Variants in ABCC1 observed in about 807,000 individuals in gnomAD.
ABCC1 encodes ATP binding cassette subfamily C member 1 (ABCC1 blood group).
ABCC1 carries 83 observed loss-of-function variants against 172.9 expected under a neutral mutation model. That is an observed-to-expected ratio of 0.48 (90% CI 0.40 to 0.58). ABCC1 has a LOEUF of 0.58. ABCC1 is among the 20% of genes least tolerant of loss of function. The pLI, the probability that ABCC1 is intolerant of heterozygous loss-of-function variation, is 0.00. For synonymous variants in ABCC1, 937 were observed against 825.2 expected (o/e 1.14, Z -2.32); for missense variants, 1,817 against 2,002.7 (o/e 0.91, Z 1.77).
intron 16 of ABCC1, among the ~76,000 whole-genome samples, chr16:16,079,911 C>G (rs1238062083): frequency 6.6e-6 from 1 of 150,970 alleles, no homozygotes; most frequent in African/African-American, 2.4e-5. Context: ...CCTCCTGGGT[C>G]CAAGCGATTC....
rs1404982265 is a variant in ABCC1, at chr16:16,141,866, A to T, written c.*585A>T. The T allele has an allele frequency of 6.5e-6, 1 of 152,748 alleles. No individual in the cohort carries two copies. The highest frequency in any genetic ancestry group is 1.5e-5 in the Non-Finnish European group (1 of 68,492). 9.5% of individuals were successfully genotyped at this position (152,748 alleles called of 1,614,324 possible). On this transcript the variant is annotated 3_prime_UTR_variant, in exon 31 of 31. Coordinates refer to ENST00000399410, the MANE Select transcript of ABCC1 (RefSeq NM_004996.4). The stretch of plus-strand genomic sequence containing the variant: ...GGCCCTGGATGGTCCTCTTACCAAC[A>T]TCTGGTCTTCCAGGCACTCAAAAGC...
chr16:16,060,405 T>C (rs1306132927), intron 12 of ABCC1, among the ~76,000 whole-genome samples: 1 of 152,188 alleles, frequency 6.6e-6, no homozygotes, highest in South Asian at 2.1e-4. Context: ...TGCCCTTCTG[T>C]AACTCCATGT....
chr16:16,006,020 C>T (rs1346182196), intron 1 of ABCC1, among the ~76,000 whole-genome samples: 1 of 151,464 alleles, frequency 6.6e-6, no homozygotes, highest in Non-Finnish European at 1.5e-5. Flanking sequence ...AATAAAAAGC[C>T]GGAAATCAAA....
chr16:16,053,102 A>T (rs527517067), intron 11 of ABCC1, among the ~76,000 whole-genome samples: 4 of 152,196 alleles, frequency 2.6e-5, no homozygotes, highest in African/African-American at 9.7e-5. Flanking sequence ...TAGACCTTGT[A>T]GGCCGGTGAC....
chr16:16,058,523 C>T (rs373558485), intron 12 of ABCC1, among the ~76,000 whole-genome samples: 7 of 152,200 alleles, frequency 4.6e-5, no homozygotes, highest in Non-Finnish European at 8.8e-5. Flanking sequence ...TTTGCGAAAG[C>T]GTGTTCATGC....
Position 16,138,425 on chromosome 16 carries a change from G to A in ABCC1, c.4354G>A (p.Val1452Met). 1.2e-6 allele frequency: 2 copies of A among 1,612,240 alleles called. No individual in the cohort carries two copies. The highest frequency in any genetic ancestry group is 8.5e-7 in the Non-Finnish European group (1 of 1,178,494). The change falls in exon 30 of 31, where the codon GTG (valine) becomes ATG (methionine). Residue 1452 changes from valine to methionine, a missense_variant. Coordinates refer to ENST00000399410, the MANE Select transcript of ABCC1 (RefSeq NM_004996.4). ...CCTGCTGAGGAAGACGAAGATCCTTGTGTTGGATGAGGCCACGGCAGCCGT... is the reference window on the plus strand; with the variant it reads ...CCTGCTGAGGAAGACGAAGATCCTTATGTTGGATGAGGCCACGGCAGCCGT... ...RALLRKTKIL[V>M]LDEATAAVDL...
intron 30 of ABCC1, among the ~76,000 whole-genome samples, chr16:16,140,371 C>T (rs570659209): frequency 6.6e-6 from 1 of 152,112 alleles, no homozygotes; most frequent in African/African-American, 2.4e-5. Context: ...ATTTTTGAGA[C>T]AGGGTCTCAC....
intron 21 of ABCC1, among the ~76,000 whole-genome samples, chr16:16,110,743 C>T (rs551415186): frequency 6.6e-5 from 10 of 152,212 alleles, no homozygotes; most frequent in Admixed American, 6.5e-4. Context: ...CAATACCTCT[C>T]TAGACTGCAT....
chr16:15,982,991 C>G (rs867691500), intron 1 of ABCC1, among the ~76,000 whole-genome samples: 1 of 151,790 alleles, frequency 6.6e-6, no homozygotes, highest in Non-Finnish European at 1.5e-5. Context: ...ATGTTCATAT[C>G]AAATGTCATA....
chr16:15,983,908 T>G (rs779708571), intron 1 of ABCC1, among the ~76,000 whole-genome samples: 25 of 152,132 alleles, frequency 1.6e-4, no homozygotes, highest in Non-Finnish European at 3.2e-4. Flanking sequence ...GGTCTGCATT[T>G]ATTGCTACTG....
At chr16:15,958,572 A>G (rs941811237) in intron 1 of ABCC1, among the ~76,000 whole-genome samples, 6 of 152,240 alleles carry the variant, frequency 3.9e-5, no homozygotes, top group African/African-American at 7.2e-5. Context: ...TTCATGGCGA[A>G]GTAAGGCCTA....
chr16:15,958,964 C>G (rs1259283337), intron 1 of ABCC1, among the ~76,000 whole-genome samples: 1 of 152,186 alleles, frequency 6.6e-6, no homozygotes, highest in Non-Finnish European at 1.5e-5. Flanking sequence ...AGCACCTCCT[C>G]TTGTTGTGAC....
In ABCC1 at chr16:16,131,880, A is replaced by G. The variant is rs781777283; in HGVS notation, c.3911A>G (p.Glu1304Gly). The change falls in exon 27 of 31, where the codon GAG (glutamate) becomes GGG (glycine). Residue 1304 changes from glutamate to glycine, a missense_variant. By Grantham distance (98) the Glu-to-Gly change is moderately conservative. Coordinates refer to ENST00000399410, the MANE Select transcript of ABCC1 (RefSeq NM_004996.4). Reference sequence around the variant, plus strand: ...CGGAACTACTGCCTGCGCTACCGAGAGGACCTGGACTTCGTTCTCAGGCAC... The same window carrying G: ...CGGAACTACTGCCTGCGCTACCGAGGGGACCTGGACTTCGTTCTCAGGCAC... The part of the protein sequence containing the change: ...EFRNYCLRYR[E>G]DLDFVLRHIN... The G allele has an allele frequency of 1.2e-6, 2 of 1,614,136 alleles. No homozygotes were observed. Among genetic ancestry groups the G allele is most frequent in the South Asian group, 1.1e-5 (1 of 91,068 alleles).
At chr16:16,036,684 C>G in intron 7 of ABCC1, 81 bp downstream of exon 7, 1 of 1,427,020 alleles carries the variant, frequency 7.0e-7, no homozygotes, top group Non-Finnish European at 9.7e-7. Flanking sequence ...GGATGGGGCC[C>G]TGGCAGTGCT....
chr16:15,981,979 C>T (rs2046630338), intron 1 of ABCC1, among the ~76,000 whole-genome samples: 1 of 152,170 alleles, frequency 6.6e-6, no homozygotes, highest in African/African-American at 2.4e-5. Flanking sequence ...ACTCTTTTTG[C>T]TTAAGCATAG....
chr16:15,966,328 C>CT (rs2151517270), intron 1 of ABCC1, among the ~76,000 whole-genome samples: 1 of 151,286 alleles, frequency 6.6e-6, no homozygotes, highest in South Asian at 2.1e-4. Flanking sequence ...GGGAGAATTG[C>CT]TTGAACCCAG....
At chr16:16,125,452 G>A (rs191928845) in intron 25 of ABCC1, among the ~76,000 whole-genome samples, 18 of 151,540 alleles carry the variant, frequency 1.2e-4, no homozygotes, top group Admixed American at 9.9e-4. Context: ...TTTTGGAGAC[G>A]GAATCTCACT....
At chr16:16,064,286 G>A (rs2050030371) in intron 12 of ABCC1, among the ~76,000 whole-genome samples, 1 of 152,160 alleles carries the variant, frequency 6.6e-6, no homozygotes, top group Non-Finnish European at 1.5e-5. Flanking sequence ...CCTGCTGCCT[G>A]GAGCCCCAGT....
intron 17 of ABCC1, among the ~76,000 whole-genome samples, chr16:16,085,066 T>C (rs1476972987): frequency 6.6e-6 from 1 of 152,196 alleles, no homozygotes; most frequent in African/African-American, 2.4e-5. Context: ...CCAAGTGACT[T>C]ACCTGAGGCC....
Sources: gnomAD v4.1 joint callset for allele counts (sites outside exome capture counted in the v4.1 genomes callset) on GRCh38, gnomAD v4.1.1 for gene constraint, MANE v1.5 for transcripts, NCBI Gene and HGNC (gene_info 2026-07-23, HGNC 2026-07-21) for gene names.